SLC44A1: variants seen among roughly 807,000 people sequenced by gnomAD.
The protein encoded by SLC44A1 is solute carrier family 44 member 1.
In SLC44A1, 26 loss-of-function variants were observed where a neutral mutation model predicts 79.3. That is an observed-to-expected ratio of 0.33 (90% confidence interval 0.24 to 0.46). The LOEUF (loss-of-function observed/expected upper bound fraction) is 0.46, where lower values mean the gene tolerates loss of function less well. SLC44A1 is among the 20% of genes least tolerant of loss of function. The pLI is 1.00. For synonymous variants in SLC44A1, 263 were observed against 286.2 expected, an observed-to-expected ratio of 0.92 and a Z score of 0.82; for missense variants, 688 against 798.1, an observed-to-expected ratio of 0.86 and a Z score of 1.66.
At chr9:105,403,382 G>A (rs1828983158) in intron 15 of SLC44A1, among the ~76,000 whole-genome samples, 1 of 152,034 alleles carries the variant, frequency 6.6e-6, no homozygotes, top group Non-Finnish European at 1.5e-5. Context: ...GGGATGCTAA[G>A]CTGGGGAAGT....
chr9:105,335,109 T>C (rs1395194802), intron 3 of SLC44A1, among the ~76,000 whole-genome samples: 2 of 152,144 alleles, frequency 1.3e-5, no homozygotes, highest in African/African-American at 4.8e-5. Flanking sequence ...TTTTTGGAAT[T>C]ATATAATTCT....
At chr9:105,266,408 C>T (rs552343866) in intron 1 of SLC44A1, among the ~76,000 whole-genome samples, 2 of 152,124 alleles carry the variant, frequency 1.3e-5, no homozygotes, top group African/African-American at 2.4e-5. Context: ...AATATTTTCT[C>T]CTATGTTTTA....
rs527835739 is a variant in SLC44A1 at position 105,322,034 on chromosome 9, A to G, written c.269+12168A>G. Among the ~76,000 whole-genome samples the G allele has an allele frequency of 7.2e-5, 11 of 152,326 alleles. No homozygotes were observed. The South Asian group carries it at 8.3e-4, about 11-fold the overall frequency. On this transcript the variant is annotated intron_variant, in intron 3 of 15. Coordinates refer to ENST00000374720, the MANE Select transcript of SLC44A1 (RefSeq NM_080546.5). The stretch of plus-strand genomic sequence containing the variant: ...GTTTTTAAATTGTTTCTCATTCACA[A>G]AATAATTTGAAAGGATTAGAAGTAG...
intron 15 of SLC44A1, among the ~76,000 whole-genome samples, chr9:105,428,986 G>A (rs556556192): frequency 2.0e-5 from 3 of 152,346 alleles, no homozygotes; most frequent in Admixed American, 2.0e-4. Context: ...TTACAGGCAT[G>A]AGCCACCACA....
At chr9:105,351,984 G>T (rs143901575) in intron 5 of SLC44A1, among the ~76,000 whole-genome samples, 1 of 152,268 alleles carries the variant, frequency 6.6e-6, no homozygotes, top group African/African-American at 2.4e-5. Context: ...AAGAAGGCCG[G>T]GCACAGTGGC....
intron 1 of SLC44A1, among the ~76,000 whole-genome samples, chr9:105,259,760 A>G (rs1829799344): frequency 6.6e-6 from 1 of 152,226 alleles, no homozygotes; most frequent in Non-Finnish European, 1.5e-5. Context: ...AACATTTTTC[A>G]GTGTACACTG....
Position 105,392,052 on chromosome 9 carries a change from G to T in SLC44A1, c.*2996G>T, listed in dbSNP as rs532716714. ...TATGGAAGAGAAAAGTTATATTTCA[G>T]TGTAAATCCAAGAGACCCATCTTCT... On this transcript the variant is annotated 3_prime_UTR_variant, in exon 16 of 16. Coordinates refer to ENST00000374720, the MANE Select transcript of SLC44A1 (RefSeq NM_080546.5). 13 of 985,252 alleles carry T rather than the reference G, an allele frequency of 1.3e-5. No homozygotes were observed. In the African/African-American group the frequency reaches 1.9e-4, roughly 15 times the overall value. 61.0% of individuals were successfully genotyped at this position (985,252 alleles called of 1,614,324 possible).
At chr9:105,297,511 G>A (rs974531030) in intron 1 of SLC44A1, among the ~76,000 whole-genome samples, 1 of 152,114 alleles carries the variant, frequency 6.6e-6, no homozygotes, top group Non-Finnish European at 1.5e-5. Context: ...AGCCTCCCAA[G>A]TAGCTGGGAT....
intron 1 of SLC44A1, among the ~76,000 whole-genome samples, chr9:105,279,403 C>T (rs937568483): frequency 1.1e-4 from 16 of 151,298 alleles, no homozygotes; most frequent in East Asian, 2.0e-4. Flanking sequence ...CTGCAACCTC[C>T]GCCTCCCGGG....
intron 5 of SLC44A1, among the ~76,000 whole-genome samples, chr9:105,349,950 T>C (rs916223712): frequency 1.3e-5 from 2 of 152,150 alleles, no homozygotes; most frequent in Non-Finnish European, 2.9e-5. Flanking sequence ...TTCCTGGTTA[T>C]TTTGGGTTTT....
At chr9:105,348,309 G>T (rs1267262160) in intron 4 of SLC44A1, 49 bp from the exon 5 acceptor site, 1 of 979,222 alleles carries the variant, frequency 1.0e-6, no homozygotes, top group African/African-American at 1.6e-5. Flanking sequence ...AATAGTAAGA[G>T]AATTTTTTCA....
At chr9:105,420,499 C>A (rs1829232122) in intron 15 of SLC44A1, among the ~76,000 whole-genome samples, 1 of 152,088 alleles carries the variant, frequency 6.6e-6, no homozygotes, top group Admixed American at 6.5e-5. Context: ...ATATCTCTTT[C>A]TTTTCTTTCA....
At chr9:105,278,344 G>T (rs1363929405) in intron 1 of SLC44A1, among the ~76,000 whole-genome samples, 1 of 152,164 alleles carries the variant, frequency 6.6e-6, no homozygotes, top group Non-Finnish European at 1.5e-5. Context: ...CGCCTCCCGG[G>T]TTCACACCAT....
intron 5 of SLC44A1, among the ~76,000 whole-genome samples, chr9:105,351,674 G>GAAAGAAAGAA (rs1359633907): frequency 6.7e-6 from 1 of 148,550 alleles, no homozygotes; most frequent in Non-Finnish European, 1.5e-5. Context: ...AAGAAAGAAA[G>GAAAGAAAGAA]AACCAAGAAA....
chr9:105,305,965 T>C (rs759441618), intron 2 of SLC44A1, among the ~76,000 whole-genome samples: 4 of 151,892 alleles, frequency 2.6e-5, no homozygotes, highest in Non-Finnish European at 5.9e-5. Context: ...ATGAGTAAAT[T>C]GTCTTTCTCC....
chr9:105,427,709 A>G (rs1459088505), intron 15 of SLC44A1, among the ~76,000 whole-genome samples: 4 of 152,222 alleles, frequency 2.6e-5, no homozygotes, highest in Non-Finnish European at 5.9e-5. Context: ...GGGAATTACT[A>G]CATCAAGTGG....
chr9:105,285,816 G>C (rs550813820), intron 1 of SLC44A1, among the ~76,000 whole-genome samples: 1 of 152,326 alleles, frequency 6.6e-6, no homozygotes, highest in Admixed American at 6.5e-5. Flanking sequence ...CTTCTTTTGT[G>C]GATCTTCAGT....
chr9:105,291,134 A>G (rs1441541151), intron 1 of SLC44A1, among the ~76,000 whole-genome samples: 1 of 152,236 alleles, frequency 6.6e-6, no homozygotes, highest in African/African-American at 2.4e-5. Flanking sequence ...ACTCAACTTC[A>G]TCAGGTCTGC....
At chr9:105,364,742 A>C (rs759759019) in intron 10 of SLC44A1, 22 bp downstream of exon 10, 2 of 1,596,792 alleles carry the variant, frequency 1.3e-6, no homozygotes, top group South Asian at 2.3e-5. Flanking sequence ...TTGTTATTAG[A>C]AAACTCGAGT....
Sources: gnomAD v4.1 joint callset for allele counts (sites outside exome capture counted in the v4.1 genomes callset) on GRCh38, gnomAD v4.1.1 for gene constraint, MANE v1.5 for transcripts, NCBI Gene and HGNC (gene_info 2026-07-23, HGNC 2026-07-21) for gene names.